The following LHX4 variants were observed in gnomAD, a reference collection of about 807,000 sequenced individuals.
LHX4 encodes the protein LIM homeobox 4, also known as LIM/homeobox protein Lhx4.
Under a neutral mutation model 39.2 loss-of-function variants are expected in LHX4, and 16 were observed. That is an observed-to-expected ratio of 0.41 (90% CI 0.28 to 0.62). The LOEUF (loss-of-function observed/expected upper bound fraction) is 0.62, where lower values mean the gene tolerates loss of function less well. Ranked by LOEUF, LHX4 falls within the 20% of genes least tolerant of loss-of-function variation. LHX4 has a pLI of 0.33. For missense variants in LHX4, 439 were observed against 511.9 expected, an observed-to-expected ratio of 0.86 and a Z score of 1.37; for synonymous variants, 206 against 198.1, an observed-to-expected ratio of 1.04 and a Z score of -0.33.
At chr1:180,272,839 A>C (rs1648760103) in intron 5 of LHX4, 1 of 152,218 alleles carries the variant, frequency 6.6e-6, no homozygotes, top group African/African-American at 2.4e-5. Context: ...CGTTGTGGGG[A>C]TCAATGAACA....
In LHX4 at chr1:180,231,413, G is replaced by A. The variant is rs180722008; in HGVS notation, c.76+808G>A. On this transcript the variant is annotated intron_variant, in intron 1 of 5. Transcript: ENST00000263726. ...GCGAGACAGCCGGAGCTCGCGGCGT[G>A]TTTATCCCCAAGTCTCTCTCTGTGT... 4.6e-3 allele frequency among the ~76,000 whole-genome samples: 698 copies of A among 152,024 alleles called. 5 individuals are homozygous for A. The highest frequency in any genetic ancestry group is 5.1e-3 in the Non-Finnish European group (345 of 67,938).
chr1:180,259,176 C>T (rs1647995820), intron 2 of LHX4, among the ~76,000 whole-genome samples: 1 of 151,972 alleles, frequency 6.6e-6, no homozygotes, highest in Non-Finnish European at 1.5e-5. Context: ...GTGTAGGAGG[C>T]AGCGAGCAGG....
intron 2 of LHX4, among the ~76,000 whole-genome samples, chr1:180,252,753 G>C (rs1047716200): frequency 9.8e-5 from 15 of 152,318 alleles, no homozygotes; most frequent in East Asian, 5.8e-4. Context: ...GAAGGAGGCC[G>C]GGAGGTCAGG....
chr1:180,242,245 G>A (rs1367453868), intron 1 of LHX4, among the ~76,000 whole-genome samples: 2 of 151,520 alleles, frequency 1.3e-5, no homozygotes, highest in Non-Finnish European at 2.9e-5. Flanking sequence ...CCATGTATGA[G>A]GATGTGAGTG....
Position 180,275,317 on chromosome 1 carries a change from T to C in LHX4, c.*738T>C, listed in dbSNP as rs1343491496. 6.6e-6 allele frequency: 1 copy of C among 152,238 alleles called. No individual in the cohort carries two copies. The highest frequency in any genetic ancestry group is 2.4e-5 in the African/African-American group (1 of 41,458). The allele number at this position is 152,238 out of a possible 1,614,324, so 9.4% of individuals were successfully genotyped here. On this transcript the variant is annotated 3_prime_UTR_variant, in exon 6 of 6. Transcript: ENST00000263726. ...AGTAGCCCTGGACCACCGCTGCAGA[T>C]TGCCTGAGTCGTCCCCTTGGTGCAC...
chr1:180,244,800 C>T (rs765562151), intron 1 of LHX4, among the ~76,000 whole-genome samples: 2 of 152,198 alleles, frequency 1.3e-5, no homozygotes, highest in African/African-American at 2.4e-5. Flanking sequence ...CATCTGGGTT[C>T]TCAAAGAGTT....
intron 1 of LHX4, among the ~76,000 whole-genome samples, chr1:180,246,030 T>G (rs929973687): frequency 6.6e-6 from 1 of 151,838 alleles, no homozygotes; most frequent in Non-Finnish European, 1.5e-5. Context: ...GAATCCTGTA[T>G]GTACTGGGAC....
At chr1:180,240,114 A>AGGCACATCAAGCT (rs1419277971) in intron 1 of LHX4, among the ~76,000 whole-genome samples, 1 of 152,256 alleles carries the variant, frequency 6.6e-6, no homozygotes, top group Non-Finnish European at 1.5e-5. Flanking sequence ...GCCTCACAGG[A>AGGCACATCAAGCT]GGCACATCAA....
At chr1:180,243,299 G>A (rs903878776) in intron 1 of LHX4, among the ~76,000 whole-genome samples, 6 of 152,002 alleles carry the variant, frequency 3.9e-5, no homozygotes, top group African/African-American at 1.4e-4. Context: ...AAGGGGAGGG[G>A]AGGGGAGGAG....
intron 1 of LHX4, among the ~76,000 whole-genome samples, chr1:180,241,339 G>A (rs1230642211): frequency 6.6e-6 from 1 of 152,106 alleles, no homozygotes; most frequent in Non-Finnish European, 1.5e-5. Context: ...AGGGAGTGGA[G>A]GAGAGTTCTG....
At chr1:180,229,803 G>A (rs1268322682), upstream of LHX4, among the ~76,000 whole-genome samples, 2 of 151,316 alleles carry the variant, frequency 1.3e-5, no homozygotes, top group African/African-American at 4.9e-5. Flanking sequence ...GAACGGAGGA[G>A]TGAGGAGGAC....
chr1:180,274,097 C>T, intron 5 of LHX4, 88 bp from the exon 6 acceptor site: 1 of 1,538,262 alleles, frequency 6.5e-7, no homozygotes, highest in Non-Finnish European at 9.0e-7. Flanking sequence ...GGCATCTTTC[C>T]TGGTCATGTG....
At chr1:180,247,944 C>T (rs1647450475) in intron 1 of LHX4, among the ~76,000 whole-genome samples, 1 of 152,170 alleles carries the variant, frequency 6.6e-6, no homozygotes, top group African/African-American at 2.4e-5. Flanking sequence ...GCCTTCCTGG[C>T]CTGTTGGCTG....
At position 180,234,138 on chromosome 1, in the gene LHX4, G is replaced by T. The variant is rs1241935379; in HGVS notation, c.76+3533G>T. ...TTCCATTCCTGCCTTGTCTCCTAGT[G>T]CGAGAAACAGACACACACAACACAC... On this transcript the variant is annotated intron_variant, in intron 1 of 5. Transcript: ENST00000263726. This position sits in a 1 kb window ranked among gnomAD's most constrained non-coding sequence, Gnocchi z 4.8. Among the ~76,000 whole-genome samples, 1 of 138,158 alleles carries T rather than the reference G, an allele frequency of 7.2e-6. No homozygotes were observed. The highest frequency in any genetic ancestry group is 2.1e-4 in the East Asian group (1 of 4,690). 90.6% of individuals were successfully genotyped at this position (138,158 alleles called of 152,430 possible).
chr1:180,255,770 G>A (rs906905067), intron 2 of LHX4, among the ~76,000 whole-genome samples: 6 of 152,248 alleles, frequency 3.9e-5, no homozygotes, highest in Admixed American at 3.9e-4. Flanking sequence ...CAGTCGCCTG[G>A]GCCACCCTCC....
At chr1:180,254,399 C>A (rs1332088069) in intron 2 of LHX4, among the ~76,000 whole-genome samples, 1 of 152,242 alleles carries the variant, frequency 6.6e-6, no homozygotes, top group Non-Finnish European at 1.5e-5. Context: ...CCTCCCCCAG[C>A]CTGCCAGTCT....
intron 1 of LHX4, among the ~76,000 whole-genome samples, chr1:180,231,378 C>G (rs1361307113): frequency 6.6e-6 from 1 of 151,870 alleles, no homozygotes; most frequent in African/African-American, 2.4e-5. Flanking sequence ...TCTTCCCGCG[C>G]CCGAAATTAG....
intron 1 of LHX4, among the ~76,000 whole-genome samples, chr1:180,245,869 G>A (rs1037578338): frequency 6.6e-5 from 10 of 152,220 alleles, no homozygotes; most frequent in South Asian, 2.1e-4. Context: ...TTCCCACCCC[G>A]TGTCCTGCCC....
chr1:180,231,545 GC>G (rs1385640798), intron 1 of LHX4, among the ~76,000 whole-genome samples: 1 of 128,892 alleles, frequency 7.8e-6, no homozygotes, highest in Non-Finnish European at 1.6e-5. Flanking sequence ...CAGAACAGGT[GC>G]CCAGTCGTCG....
Sources: gnomAD v4.1 joint callset for allele counts (sites outside exome capture counted in the v4.1 genomes callset) on GRCh38, gnomAD v4.1.1 for gene constraint, Gnocchi (gnomAD v3.1) non-coding constraint, MANE v1.5 for transcripts, NCBI Gene and HGNC (gene_info 2026-07-23, HGNC 2026-07-21) for gene names.